Variants in MGMT observed in about 807,000 individuals in gnomAD.
MGMT encodes the protein methylated-DNA--protein-cysteine methyltransferase.
MGMT carries 14 observed loss-of-function variants against 15.9 expected under a neutral mutation model. The observed-to-expected ratio is 0.88, with a 90% CI of 0.58 to 1.37. MGMT has a LOEUF of 1.37. Among genes scored for constraint, MGMT ranks in the 40% most tolerant of loss-of-function variants. MGMT has a pLI of 0.00. For missense variants in MGMT, 282 were observed against 268.1 expected (o/e 1.05, Z -0.36); for synonymous variants, 130 against 118.2 (o/e 1.10, Z -0.65).
intron 2 of MGMT, among the ~76,000 whole-genome samples, chr10:129,567,463 C>T (rs780367382): frequency 2.6e-5 from 4 of 152,010 alleles, no homozygotes; most frequent in African/African-American, 9.7e-5. Flanking sequence ...GGAGGGGTCC[C>T]GGCGAGAAAG....
intron 3 of MGMT, among the ~76,000 whole-genome samples, chr10:129,745,958 C>T (rs952498865): frequency 1.2e-4 from 19 of 152,048 alleles, no homozygotes; most frequent in Non-Finnish European, 1.9e-4. Flanking sequence ...GACTTTCAGC[C>T]GGGTGCGGAA....
chr10:129,736,965 C>T (rs1259302103), intron 3 of MGMT, among the ~76,000 whole-genome samples: 6 of 152,152 alleles, frequency 3.9e-5, no homozygotes, highest in South Asian at 2.1e-4. Flanking sequence ...GAGGGTAACC[C>T]GACCTTTCTC....
chr10:129,640,838 A>G (rs1028000656), intron 2 of MGMT, among the ~76,000 whole-genome samples: 5 of 152,236 alleles, frequency 3.3e-5, no homozygotes, highest in Admixed American at 1.3e-4. Flanking sequence ...TACCATATCA[A>G]TAGGAAAAAT....
rs561290230 is a variant in MGMT at position 129,470,349 on chromosome 10, A to G, written c.-13+3053A>G. ...TCTGTGGCTTTTCATTAACTGCTGC[A>G]TATCTGCTGGTTGGTGGACATAGTC... is the stretch of plus-strand genomic sequence containing the variant. On this transcript the variant is annotated intron_variant, in intron 1 of 4. Coordinates refer to ENST00000651593, the MANE Select transcript of MGMT (RefSeq NM_002412.5). Among the ~76,000 whole-genome samples the G allele has an allele frequency of 4.3e-4, 65 of 152,284 alleles. No individual in the cohort carries two copies. In the South Asian group the frequency reaches 0.012, roughly 29 times the overall value.
chr10:129,657,697 A>ACACG (rs1554874777), intron 2 of MGMT, among the ~76,000 whole-genome samples: 1 of 138,618 alleles, frequency 7.2e-6, no homozygotes, highest in African/African-American at 3.0e-5. Flanking sequence ...ACACACACAC[A>ACACG]CACACACACG....
At chr10:129,735,131 C>G (rs142874887) in intron 3 of MGMT, among the ~76,000 whole-genome samples, 84,882 of 151,742 alleles carry the variant, frequency 0.56, 24,018 homozygotes, top group Middle Eastern at 0.71. Context: ...GTTTCAGAAG[C>G]AATGGTACCA....
intron 2 of MGMT, among the ~76,000 whole-genome samples, chr10:129,695,278 G>A (rs138809386): frequency 3.9e-5 from 6 of 152,096 alleles, no homozygotes; most frequent in Admixed American, 1.3e-4. Context: ...AGTTGTTCCC[G>A]GATAAAATTG....
intron 2 of MGMT, among the ~76,000 whole-genome samples, chr10:129,640,625 G>A (rs1847317572): frequency 6.6e-6 from 1 of 152,082 alleles, no homozygotes; most frequent in South Asian, 2.1e-4. Context: ...TTTTTATGAT[G>A]GCAGCATTAC....
intron 2 of MGMT, among the ~76,000 whole-genome samples, chr10:129,604,748 C>T (rs1846868757): frequency 1.4e-5 from 2 of 145,508 alleles, no homozygotes; most frequent in Non-Finnish European, 3.0e-5. Context: ...CCCCCTCCCC[C>T]CGGCTTTCAG....
chr10:129,604,181 C>T (rs960532041), intron 2 of MGMT, among the ~76,000 whole-genome samples: 1 of 152,144 alleles, frequency 6.6e-6, no homozygotes, highest in Non-Finnish European at 1.5e-5. Context: ...TTTACCAAAG[C>T]ACTCTCTACG....
At chr10:129,578,382 A>G (rs906873505) in intron 2 of MGMT, among the ~76,000 whole-genome samples, 4 of 152,204 alleles carry the variant, frequency 2.6e-5, no homozygotes, top group Admixed American at 6.5e-5. Flanking sequence ...TGTCATTTGT[A>G]GGGACATGGA....
In MGMT at chr10:129,759,314, AG is replaced by A; in HGVS notation, c.388del (p.Val130TrpfsTer5). ...LAGNPKAARA[V>X]GGAMRGNPVP... Reference sequence around the variant, plus strand: ...CAGGCAACCCCAAAGCCGCGCGAGCAGTGGGAGGAGCAATGAGAGGCAATCC... The same window carrying A: ...CAGGCAACCCCAAAGCCGCGCGAGCATGGGAGGAGCAATGAGAGGCAATCC... On this transcript the variant is annotated frameshift_variant, in exon 4 of 5. Transcript: ENST00000651593. LOFTEE classifies it low-confidence loss of function (END_TRUNC). The A allele has an allele frequency of 1.2e-6, 2 of 1,614,176 alleles. No individual in the cohort carries two copies. Among genetic ancestry groups the A allele is most frequent in the Non-Finnish European group, 1.7e-6 (2 of 1,180,020 alleles).
chr10:129,537,615 GAAAAC>G (rs923152557), intron 2 of MGMT, among the ~76,000 whole-genome samples: 16 of 152,032 alleles, frequency 1.1e-4, no homozygotes, highest in African/African-American at 3.1e-4. Context: ...GAAGAAAAAG[GAAAAC>G]AAAACAAAAC....
chr10:129,747,365 C>T (rs1379234409), intron 3 of MGMT, among the ~76,000 whole-genome samples: 1 of 152,016 alleles, frequency 6.6e-6, no homozygotes, highest in Non-Finnish European at 1.5e-5. Context: ...ATGTTACCTT[C>T]TGTTCTTAGG....
chr10:129,706,163 C>T (rs767371390), intron 2 of MGMT, among the ~76,000 whole-genome samples: 16 of 152,218 alleles, frequency 1.1e-4, no homozygotes, highest in Non-Finnish European at 2.2e-4. Flanking sequence ...AGTCCTTGCC[C>T]ACCTTTCTGT....
In MGMT at chr10:129,646,742, A is replaced by ATTT. The variant is rs1363807123; in HGVS notation, c.126-61152_126-61151insTTT. On this transcript the variant is annotated intron_variant, in intron 2 of 4. Coordinates refer to ENST00000651593, the MANE Select transcript of MGMT (RefSeq NM_002412.5). ...GAAATATATATATATATATATATAT[A>ATTT]TATATATATATATTTTCAGGGAATG... Among the ~76,000 whole-genome samples, 76 of 83,246 alleles carry ATTT rather than the reference A, an allele frequency of 9.1e-4. 2 individuals carry two copies. Among genetic ancestry groups the ATTT allele is most frequent in the Admixed American group, 2.3e-3 (17 of 7,418 alleles). The allele number at this position is 83,246 out of a possible 152,430, so 54.6% of individuals were successfully genotyped here.
intron 1 of MGMT, among the ~76,000 whole-genome samples, chr10:129,530,535 T>C (rs958770210): frequency 3.3e-5 from 5 of 152,200 alleles, no homozygotes; most frequent in African/African-American, 1.2e-4. Context: ...TGTTTCCCGT[T>C]ATTTTGTCTC....
At chr10:129,478,254 T>A (rs1845317896) in intron 1 of MGMT, among the ~76,000 whole-genome samples, 1 of 152,102 alleles carries the variant, frequency 6.6e-6, no homozygotes. Flanking sequence ...CCCTCCAGAT[T>A]GGTCAGTATA....
chr10:129,745,283 T>G (rs1013407661), intron 3 of MGMT, among the ~76,000 whole-genome samples: 1 of 152,122 alleles, frequency 6.6e-6, no homozygotes, highest in Admixed American at 6.5e-5. Flanking sequence ...TTTTGTGGGG[T>G]ATACAGTCCC....
Sources: allele counts gnomAD v4.1 joint callset (sites outside exome capture counted in the v4.1 genomes callset), GRCh38; gene constraint gnomAD v4.1.1; transcripts MANE v1.5; gene names NCBI Gene and HGNC (gene_info 2026-07-23, HGNC 2026-07-21).